The following PSMG2 variants were observed in gnomAD, a reference collection of about 807,000 sequenced individuals.
PSMG2 encodes CD40 ligand-activated specific transcript 3.
A neutral mutation model predicts 31.5 loss-of-function variants in PSMG2; 21 were observed. The observed-to-expected ratio is 0.67, with a 90% CI of 0.47 to 0.96. The LOEUF (loss-of-function observed/expected upper bound fraction) is 0.96. PSMG2 is among the 40% of genes least tolerant of loss of function. The pLI is 0.00. For synonymous variants in PSMG2, 120 were observed against 110.4 expected (o/e 1.09, Z -0.54); for missense variants, 318 against 321.2 (o/e 0.99, Z 0.08).
chr18:12,692,956 G>A (rs1473246269), intron 1 of PSMG2, among the ~76,000 whole-genome samples: 1 of 152,122 alleles, frequency 6.6e-6, no homozygotes, highest in Non-Finnish European at 1.5e-5. Context: ...CCCAGTAGCT[G>A]GGACTACAGG....
intron 1 of PSMG2, among the ~76,000 whole-genome samples, chr18:12,668,292 C>T (rs2038847163): frequency 6.7e-6 from 1 of 149,322 alleles, no homozygotes; most frequent in African/African-American, 2.5e-5. Context: ...CCGCCACTGG[C>T]CAAAAAAAGT....
chr18:12,684,087 C>T (rs1464048198), intron 1 of PSMG2, among the ~76,000 whole-genome samples: 1 of 150,982 alleles, frequency 6.6e-6, no homozygotes, highest in African/African-American at 2.4e-5. Context: ...TGCAGTGGCG[C>T]GATCTCAGCT....
At chr18:12,699,953 A>G, upstream of PSMG2, 2 of 1,276,766 alleles carry the variant, frequency 1.6e-6, no homozygotes, top group Non-Finnish European at 2.2e-6. Context: ...AAACAATTAT[A>G]GGTTAAGGAA....
At chr18:12,667,252 T>C (rs967235636) in intron 1 of PSMG2, among the ~76,000 whole-genome samples, 1 of 152,006 alleles carries the variant, frequency 6.6e-6, no homozygotes, top group Non-Finnish European at 1.5e-5. Flanking sequence ...CTTGAGGCCA[T>C]GAGTTTAAGA....
intron 6 of PSMG2, among the ~76,000 whole-genome samples, chr18:12,725,237 G>T (rs12373207): frequency 0.24 from 36,009 of 151,770 alleles, 4,972 homozygotes; most frequent in Non-Finnish European, 0.32. Flanking sequence ...AGCCTTTCTG[G>T]CATATCTTTA....
chr18:12,699,177 G>A (rs2040062714), upstream of PSMG2: 2 of 1,613,496 alleles, frequency 1.2e-6, no homozygotes, highest in Non-Finnish European at 1.7e-6. Context: ...TGAAGGTAAA[G>A]ATACCTCCGT....
At chr18:12,709,592 G>A (rs930240971) in intron 2 of PSMG2, among the ~76,000 whole-genome samples, 6 of 151,624 alleles carry the variant, frequency 4.0e-5, no homozygotes, top group Admixed American at 6.6e-5. Context: ...TCCACCTCCC[G>A]GGTTCAAGCA....
At chr18:12,667,083 C>A (rs1227371244) in intron 1 of PSMG2, among the ~76,000 whole-genome samples, 12 of 151,856 alleles carry the variant, frequency 7.9e-5, no homozygotes, top group Non-Finnish European at 1.6e-4. Context: ...CACTAAAAAA[C>A]CCCTCAAAAA....
intron 1 of PSMG2, among the ~76,000 whole-genome samples, chr18:12,675,496 G>A (rs1199895267): frequency 6.6e-6 from 1 of 152,116 alleles, no homozygotes; most frequent in Non-Finnish European, 1.5e-5. Flanking sequence ...CTACAGAGGT[G>A]AGAAAAGTCA....
At chr18:12,659,548 T>C (rs1267507890) in intron 1 of PSMG2, among the ~76,000 whole-genome samples, 3 of 152,032 alleles carry the variant, frequency 2.0e-5, no homozygotes, top group Admixed American at 1.3e-4. Context: ...CGCACGCTTG[T>C]AATCCCAGCT....
At chr18:12,695,797 A>G (rs112780539) in intron 1 of PSMG2, among the ~76,000 whole-genome samples, 2 of 152,156 alleles carry the variant, frequency 1.3e-5, no homozygotes, top group African/African-American at 4.8e-5. Flanking sequence ...TATAATATCA[A>G]CCAGACTTAC....
At chr18:12,719,472 C>T (rs2040409460) in intron 4 of PSMG2, among the ~76,000 whole-genome samples, 1 of 151,594 alleles carries the variant, frequency 6.6e-6, no homozygotes, top group Non-Finnish European at 1.5e-5. Context: ...ACTGCAACCT[C>T]CACCTCCTGG....
intron 1 of PSMG2, among the ~76,000 whole-genome samples, chr18:12,679,460 T>C (rs1335168509): frequency 6.6e-6 from 1 of 152,034 alleles, no homozygotes; most frequent in Non-Finnish European, 1.5e-5. Flanking sequence ...ACTCTGGCTT[T>C]GTGGAGCGTC....
intron 1 of PSMG2, among the ~76,000 whole-genome samples, chr18:12,681,691 A>G (rs79866485): frequency 0.14 from 21,269 of 152,150 alleles, 1,721 homozygotes; most frequent in African/African-American, 0.2. Flanking sequence ...AAATACATAC[A>G]TAAGAAAAAT....
At chr18:12,670,323 C>G (rs2144964121) in intron 1 of PSMG2, 1 of 150,808 alleles carries the variant, frequency 6.6e-6, no homozygotes, top group East Asian at 1.9e-4. Context: ...GAGTGAGACT[C>G]TGTCTCAAAA....
At chr18:12,666,200 C>A (rs995089757) in intron 1 of PSMG2, among the ~76,000 whole-genome samples, 1 of 151,064 alleles carries the variant, frequency 6.6e-6, no homozygotes, top group Non-Finnish European at 1.5e-5. Context: ...TGGTGGCATA[C>A]ACCTATATTC....
chr18:12,720,826 A>C, intron 5 of PSMG2, 143 bp downstream of exon 5: 1 of 860,742 alleles, frequency 1.2e-6, no homozygotes, highest in Non-Finnish European at 1.7e-6. Flanking sequence ...CAAAAAAAAC[A>C]AAATTAAGTC....
intron 1 of PSMG2, chr18:12,691,414 TCTCTC>T: frequency 2.5e-6 from 4 of 1,608,310 alleles, no homozygotes; most frequent in Non-Finnish European, 3.4e-6. Flanking sequence ...TTGCAAATAT[TCTCTC>T]CACCACTGCT....
intron 1 of PSMG2, among the ~76,000 whole-genome samples, chr18:12,660,765 T>A (rs2038681452): frequency 6.6e-6 from 1 of 152,178 alleles, no homozygotes; most frequent in East Asian, 1.9e-4. Flanking sequence ...CTTTTTTTTT[T>A]ATTGCCAAGT....
Sources: allele counts gnomAD v4.1 joint callset (sites outside exome capture counted in the v4.1 genomes callset), GRCh38; gene constraint gnomAD v4.1.1; transcripts MANE v1.5; gene names NCBI Gene and HGNC (gene_info 2026-07-23, HGNC 2026-07-21).